CACNA1B: variants seen among roughly 807,000 people sequenced by gnomAD.
CACNA1B encodes calcium voltage-gated channel subunit alpha1 B, also known as voltage-dependent N-type calcium channel subunit alpha-1B.
CACNA1B carries 70 observed loss-of-function variants against 247.2 expected under a neutral mutation model. The ratio of observed to expected loss-of-function variants is 0.28; its 90% confidence interval spans 0.23 to 0.35. The LOEUF is 0.35. Among genes scored for constraint, CACNA1B ranks in the 10% least tolerant of loss-of-function variants. CACNA1B has a pLI of 1.00. For missense variants in CACNA1B, 2,367 were observed against 3,197.4 expected, an observed-to-expected ratio of 0.74 and a Z score of 6.26; for synonymous variants, 1,231 against 1,294.4, an observed-to-expected ratio of 0.95 and a Z score of 1.05.
At position 138,011,226 on chromosome 9, in the gene CACNA1B, C is replaced by T. The variant is rs1476388348; in HGVS notation, c.2160+1149C>T. On this transcript the variant is annotated intron_variant, in intron 17 of 46. Transcript: ENST00000371372. This position sits in a 1 kb window ranked among gnomAD's most constrained non-coding sequence, Gnocchi z 4.2. ...TTGGTGCCGGGGTTGCCTTGGAGCC[C>T]GGGGCCCTAGCTGTCCTGGGTGGGC... Among the ~76,000 whole-genome samples the T allele has an allele frequency of 2.0e-5, 3 of 152,180 alleles. No individual in the cohort carries two copies. Among genetic ancestry groups the T allele is most frequent in the South Asian group, 2.1e-4 (1 of 4,834 alleles).
At chr9:138,113,644 A>C (rs1474357805) in intron 40 of CACNA1B, among the ~76,000 whole-genome samples, 20 of 113,416 alleles carry the variant, frequency 1.8e-4, no homozygotes, top group South Asian at 9.9e-4. Context: ...GAGGGAGCGC[A>C]GGAAGGTGCC....
rs1449370648 is a variant in CACNA1B at position 137,973,101 on chromosome 9, G to A, written c.1543+1509G>A. On this transcript the variant is annotated intron_variant, in intron 11 of 46. Transcript: ENST00000371372. The surrounding 1 kb of genome is among the most constrained non-coding windows in gnomAD (Gnocchi z 4.1). ...GTGCAGTGAGTCGGCAGGCAGTGGG[G>A]TAGGGGTAGGGCTGCACAGCCCAGT... Among the ~76,000 whole-genome samples, 1 of 152,216 alleles carries A rather than the reference G, an allele frequency of 6.6e-6. No homozygotes were observed. Among genetic ancestry groups the A allele is most frequent in the Admixed American group, 6.5e-5 (1 of 15,288 alleles).
At chr9:137,970,813 A>G (rs1958137133) in intron 10 of CACNA1B, among the ~76,000 whole-genome samples, 1 of 152,184 alleles carries the variant, frequency 6.6e-6, no homozygotes, top group Non-Finnish European at 1.5e-5. Flanking sequence ...GTCAGGCTGG[A>G]GCAGGTAGAC....
chr9:138,028,995 T>A (rs1958955469), intron 20 of CACNA1B, among the ~76,000 whole-genome samples: 1 of 152,220 alleles, frequency 6.6e-6, no homozygotes, highest in Admixed American at 6.5e-5. Context: ...CTCTTTCAGG[T>A]TTCTTCACAC....
chr9:138,067,765 G>A (rs903680258), intron 31 of CACNA1B, among the ~76,000 whole-genome samples: 1 of 152,180 alleles, frequency 6.6e-6, no homozygotes, highest in Non-Finnish European at 1.5e-5. Context: ...ATCTGGGAGG[G>A]CTCAGCAGCC....
intron 12 of CACNA1B, among the ~76,000 whole-genome samples, chr9:137,983,301 A>G (rs1010116992): frequency 2.6e-5 from 4 of 152,222 alleles, no homozygotes; most frequent in African/African-American, 9.6e-5. Context: ...GTGAGCCCAG[A>G]TTGTGCCCCT....
intron 3 of CACNA1B, among the ~76,000 whole-genome samples, chr9:137,909,634 C>T (rs1271190051): frequency 6.6e-6 from 1 of 152,164 alleles, no homozygotes; most frequent in Non-Finnish European, 1.5e-5. Context: ...CTCCCCTCTT[C>T]CGGTTATTGT....
In CACNA1B at chr9:137,878,173, G is replaced by C; in HGVS notation, c.240G>C (p.Glu80Asp). The C allele has an allele frequency of 1.5e-6, 2 of 1,313,302 alleles. No individual in the cohort carries two copies. Among genetic ancestry groups the C allele is most frequent in the Non-Finnish European group, 2.0e-6 (2 of 1,024,662 alleles). The allele number at this position is 1,313,302 out of a possible 1,614,324, so 81.4% of individuals were successfully genotyped here. Residue 80 changes from glutamate (E) to aspartate (D), a missense_variant, in exon 1 of 47, where the codon GAG becomes GAC. Around this residue, in one of 12 missense-constraint regions of CACNA1B, gnomAD observed 130 missense variants for 338.7 expected, o/e 0.38. Coordinates refer to ENST00000371372, the MANE Select transcript of CACNA1B (RefSeq NM_000718.4). ...ACCGCTCGCTCTTCGTCTTCAGCGA[G>C]GACAACGTCGTCCGCAAATACGCGA... ...TVNRSLFVFS[E>D]DNVVRKYAKR...
At position 138,052,251 on chromosome 9, in the gene CACNA1B, T is replaced by TGTGTGCGTGTGTGC. The variant is rs770959422; in HGVS notation, c.3807+68_3807+69insCGTGTGTGCGTGTG. The TGTGTGCGTGTGTGC allele has an allele frequency of 1.3e-5, 9 of 670,350 alleles. No homozygotes were observed. The highest frequency in any genetic ancestry group is 3.0e-5 in the East Asian group (1 of 33,382). 41.5% of individuals were successfully genotyped at this position (670,350 alleles called of 1,614,324 possible). A position where few individuals can be genotyped will look rare whatever the true frequency, so the allele number is the denominator to read the frequency against. On this transcript the variant is annotated intron_variant, in intron 25 of 46. Coordinates refer to ENST00000371372, the MANE Select transcript of CACNA1B (RefSeq NM_000718.4). The surrounding 1 kb of genome is among the most constrained non-coding windows in gnomAD (Gnocchi z 5.1). ...GTGTGTGTGCGTGTGTGTGTGTGCGTGTGTGTGTGTGTATGCATGCAGTGC... is the reference window on the plus strand; with the variant it reads ...GTGTGTGTGCGTGTGTGTGTGTGCGTGTGTGCGTGTGTGCGTGTGTGTGTGTATGCATGCAGTGC...
At chr9:137,987,300 G>A (rs553945882) in intron 15 of CACNA1B, among the ~76,000 whole-genome samples, 6 of 152,088 alleles carry the variant, frequency 3.9e-5, no homozygotes, top group Admixed American at 2.0e-4. Flanking sequence ...TCAGCTCCTC[G>A]GGAAGTGGGG....
rs1275983117 is a variant in CACNA1B, at chr9:137,956,757, T to C, written c.1187-14T>C. 2 of 1,612,874 alleles carry C rather than the reference T, an allele frequency of 1.2e-6. No homozygotes were observed. Among genetic ancestry groups the C allele is most frequent in the South Asian group, 2.2e-5 (2 of 91,026 alleles). ...TCAGGAGGGCTCTGACCTGAGGCTG[T>C]GTTCCCCTCGCAGAGGAAGTCATGC... On this transcript the variant is annotated splice_polypyrimidine_tract_variant and intron_variant, in intron 8 of 46. Coordinates refer to ENST00000371372, the MANE Select transcript of CACNA1B (RefSeq NM_000718.4).
intron 6 of CACNA1B, among the ~76,000 whole-genome samples, chr9:137,928,633 TG>T (rs1957577761): frequency 1.3e-5 from 2 of 152,362 alleles, no homozygotes; most frequent in African/African-American, 4.8e-5. Context: ...CAATATAATC[TG>T]TGTACCATAA....
chr9:138,043,800 G>A lies in CACNA1B; in HGVS notation c.3313G>A (p.Ala1105Thr). ...PSGNVDLESQ[A>T]EGKKEVEADD... ...TGGTAACGTGGACCTGGAAAGCCAA[G>A]CAGAGGGGAAGAAGGAGGTGGAAGC... The change falls in exon 21 of 47, where the codon GCA (alanine) becomes ACA (threonine). Residue 1105 changes from alanine (A) to threonine (T), a missense_variant. By Grantham distance (58) the Ala-to-Thr change is moderately conservative. Coordinates refer to ENST00000371372, the MANE Select transcript of CACNA1B (RefSeq NM_000718.4). 1.9e-6 allele frequency: 3 copies of A among 1,613,952 alleles called. No individual in the cohort carries two copies. Among genetic ancestry groups the A allele is most frequent in the Non-Finnish European group, 2.5e-6 (3 of 1,179,868 alleles).
At chr9:138,022,803 C>T (rs1302419723) in intron 18 of CACNA1B, among the ~76,000 whole-genome samples, 2 of 45,486 alleles carry the variant, frequency 4.4e-5, no homozygotes, top group Non-Finnish European at 9.1e-5. Flanking sequence ...TGTGGGACAC[C>T]GTGGGGGGGG....
At chr9:138,103,104 G>A (rs1961309215) in intron 38 of CACNA1B, among the ~76,000 whole-genome samples, 1 of 152,172 alleles carries the variant, frequency 6.6e-6, no homozygotes, top group Non-Finnish European at 1.5e-5. Context: ...CCTCCTCCCT[G>A]CCTTTTCTCC....
At chr9:137,978,834 C>T (rs968164575) in intron 12 of CACNA1B, among the ~76,000 whole-genome samples, 2 of 152,116 alleles carry the variant, frequency 1.3e-5, no homozygotes, top group South Asian at 2.1e-4. Flanking sequence ...GCTTTCTGGC[C>T]TCGGGGGTAG....
intron 6 of CACNA1B, among the ~76,000 whole-genome samples, chr9:137,918,378 T>A (rs1957441516): frequency 6.6e-6 from 1 of 151,994 alleles, no homozygotes; most frequent in Non-Finnish European, 1.5e-5. Context: ...TACCAGGGCA[T>A]GAGAATAATT....
chr9:138,119,740 CG>C (rs1962013033), intron 44 of CACNA1B, among the ~76,000 whole-genome samples: 1 of 152,160 alleles, frequency 6.6e-6, no homozygotes, highest in Non-Finnish European at 1.5e-5. Context: ...CCTTCACACA[CG>C]TGATGCATTG....
intron 23 of CACNA1B, 143 bp downstream of exon 23, chr9:138,047,601 C>T: frequency 1.5e-6 from 1 of 647,332 alleles, no homozygotes; most frequent in East Asian, 2.7e-5. Context: ...GGTGTGTGCT[C>T]AGCACATGAA....
Sources: allele counts gnomAD v4.1 joint callset (sites outside exome capture counted in the v4.1 genomes callset), GRCh38; gene constraint gnomAD v4.1.1; regional missense constraint gnomAD v4.1.1; non-coding constraint Gnocchi (gnomAD v3.1); transcripts MANE v1.5; gene names NCBI Gene and HGNC (gene_info 2026-07-23, HGNC 2026-07-21).